Variants in COP1 observed in about 807,000 individuals in gnomAD.
The protein encoded by COP1 is COP1 E3 ubiquitin ligase.
A neutral mutation model predicts 101.3 loss-of-function variants in COP1; 24 were observed. The ratio of observed to expected loss-of-function variants is 0.24; its 90% CI spans 0.17 to 0.33. The LOEUF (loss-of-function observed/expected upper bound fraction) is 0.33. Ranked by LOEUF, COP1 falls within the 10% of genes least tolerant of loss-of-function variation. COP1 has a pLI of 1.00. For synonymous variants in COP1, 347 were observed against 341.9 expected (o/e 1.01, Z -0.17); for missense variants, 663 against 906.2 (o/e 0.73, Z 3.45).
At chr1:176,184,740 T>C (rs1335062694) in intron 1 of COP1, 48 bp from the exon 2 acceptor site, 2 of 1,395,762 alleles carry the variant, frequency 1.4e-6, no homozygotes, top group Non-Finnish European at 1.0e-6. Flanking sequence ...AGTAGAGTGA[T>C]TACAAATTGG....
chr1:176,036,507 CA>C lies in COP1; in HGVS notation c.1612+6678del, dbSNP rs77138527. Among the ~76,000 whole-genome samples, 1,003 of 127,234 alleles carry C rather than the reference CA, an allele frequency of 7.9e-3. 5 individuals carry two copies. Among genetic ancestry groups the C allele is most frequent in the African/African-American group, 0.014 (461 of 32,802 alleles). 83.5% of individuals were successfully genotyped at this position (127,234 alleles called of 152,430 possible). A position where few individuals can be genotyped will look rare whatever the true frequency, so the allele number is the denominator to read the frequency against. ...AGAGGTAATGAAAAAAACAAAAAAA[CA>C]AAAAAAAAAAAAAAAAAAGCATGGC... On this transcript the variant is annotated intron_variant, in intron 14 of 19. Coordinates refer to ENST00000367669, the MANE Select transcript of COP1 (RefSeq NM_022457.7).
chr1:176,167,959 A>AT (rs34557277), intron 3 of COP1, among the ~76,000 whole-genome samples: 40,877 of 150,352 alleles, frequency 0.27, 6,571 homozygotes, highest in East Asian at 0.52. Context: ...TGCATCAGCC[A>AT]TTTTTTTTTT....
At chr1:176,066,634 A>C (rs1676022731) in intron 11 of COP1, among the ~76,000 whole-genome samples, 1 of 152,216 alleles carries the variant, frequency 6.6e-6, no homozygotes, top group Non-Finnish European at 1.5e-5. Context: ...TCTCCAGCAG[A>C]GTAAGAGTAT....
intron 14 of COP1, among the ~76,000 whole-genome samples, chr1:176,039,231 CAG>C (rs1328596118): frequency 6.6e-6 from 1 of 151,990 alleles, no homozygotes; most frequent in African/African-American, 2.4e-5. Flanking sequence ...AAAGGAATCT[CAG>C]GGGAAATTTA....
intron 18 of COP1, among the ~76,000 whole-genome samples, chr1:175,951,771 A>C (rs893087589): frequency 6.6e-6 from 1 of 152,130 alleles, no homozygotes; most frequent in African/African-American, 2.4e-5. Context: ...ACAGGAAAAA[A>C]GCATGAGAGG....
chr1:176,051,323 T>C (rs1439413682), intron 11 of COP1, among the ~76,000 whole-genome samples: 1 of 152,210 alleles, frequency 6.6e-6, no homozygotes, highest in African/African-American at 2.4e-5. Context: ...ATGTGCTATT[T>C]AAGGACATCT....
chr1:176,143,901 C>T (rs976689075), intron 6 of COP1, among the ~76,000 whole-genome samples: 1 of 152,074 alleles, frequency 6.6e-6, no homozygotes, highest in East Asian at 1.9e-4. Context: ...GACTACTCAA[C>T]CCCACTCAGA....
At chr1:176,048,762 A>G (rs1458014393) in intron 11 of COP1, among the ~76,000 whole-genome samples, 3 of 152,268 alleles carry the variant, frequency 2.0e-5, no homozygotes, top group African/African-American at 7.2e-5. Context: ...CAGTAAAAGT[A>G]TGCCATTACT....
chr1:176,194,434 T>C (rs957955891), intron 1 of COP1, among the ~76,000 whole-genome samples: 4 of 151,954 alleles, frequency 2.6e-5, no homozygotes, highest in Middle Eastern at 3.4e-3. Flanking sequence ...AGTCAGGAGA[T>C]CAAGACCATC....
At chr1:176,176,036 T>G in intron 2 of COP1, 29 bp from the exon 3 acceptor site, 1 of 1,070,004 alleles carries the variant, frequency 9.3e-7, no homozygotes, top group Non-Finnish European at 1.4e-6. Context: ...AAAAAAGGCT[T>G]AATTAAATCA....
chr1:176,071,212 G>C (rs1264478797), intron 11 of COP1, among the ~76,000 whole-genome samples: 1 of 152,020 alleles, frequency 6.6e-6, no homozygotes, highest in Non-Finnish European at 1.5e-5. Flanking sequence ...AAAAATGTGT[G>C]GTACCTCCCC....
intron 18 of COP1, among the ~76,000 whole-genome samples, chr1:175,981,101 A>T (rs1383965213): frequency 1.3e-5 from 2 of 152,074 alleles, no homozygotes; most frequent in Admixed American, 6.6e-5. Context: ...AAAAGATAAG[A>T]CTTTCATCTG....
rs147815868 is a variant in COP1 at position 176,159,522 on chromosome 1, T to C, written c.762+3347A>G. Among the ~76,000 whole-genome samples, 24 of 152,282 alleles carry C rather than the reference T, an allele frequency of 1.6e-4. No individual in the cohort carries two copies. The East Asian group carries it at 4.6e-3, about 29-fold the overall frequency. On this transcript the variant is annotated intron_variant, in intron 5 of 19. Coordinates refer to ENST00000367669, the MANE Select transcript of COP1 (RefSeq NM_022457.7). ...TAATGCGAGCACAAGGAGAAAGGTATACTAAATGTAGTGCTGACACAACTA... is the reference window on the plus strand; with the variant it reads ...TAATGCGAGCACAAGGAGAAAGGTACACTAAATGTAGTGCTGACACAACTA...
chr1:175,983,324 C>T (rs1423922477), intron 18 of COP1, among the ~76,000 whole-genome samples: 2 of 152,142 alleles, frequency 1.3e-5, no homozygotes, highest in Admixed American at 1.3e-4. Flanking sequence ...GAACTGTTCT[C>T]GTGACAGTGA....
At chr1:176,104,973 G>A (rs1400824281) in intron 9 of COP1, among the ~76,000 whole-genome samples, 1 of 152,090 alleles carries the variant, frequency 6.6e-6, no homozygotes, top group Non-Finnish European at 1.5e-5. Context: ...GAATGAGGAG[G>A]ACTTCTATGA....
At chr1:175,957,077 G>GA (rs906307617) in intron 18 of COP1, among the ~76,000 whole-genome samples, 6 of 151,724 alleles carry the variant, frequency 4.0e-5, no homozygotes, top group Non-Finnish European at 7.4e-5. Context: ...GTCAAAAAGT[G>GA]AAAAAAATTA....
At chr1:176,015,783 T>A (rs1042082321) in intron 15 of COP1, among the ~76,000 whole-genome samples, 2 of 152,132 alleles carry the variant, frequency 1.3e-5, no homozygotes, top group Non-Finnish European at 2.9e-5. Context: ...GATCAATTAA[T>A]TTAGTAATAT....
At chr1:175,992,906 C>T (rs1011653093) in intron 15 of COP1, among the ~76,000 whole-genome samples, 3 of 152,162 alleles carry the variant, frequency 2.0e-5, no homozygotes, top group African/African-American at 7.2e-5. Flanking sequence ...TCCCAGCATG[C>T]AGCTGGAGAT....
chr1:176,117,584 C>A (rs928729491), intron 8 of COP1, among the ~76,000 whole-genome samples: 1 of 152,186 alleles, frequency 6.6e-6, no homozygotes, highest in Non-Finnish European at 1.5e-5. Context: ...GTAAATTCTT[C>A]TTCTCTATTT....
Sources: gnomAD v4.1 joint callset for allele counts (sites outside exome capture counted in the v4.1 genomes callset) on GRCh38, gnomAD v4.1.1 for gene constraint, MANE v1.5 for transcripts, NCBI Gene and HGNC (gene_info 2026-07-23, HGNC 2026-07-21) for gene names.